CSNK2A2IP: variants seen among roughly 807,000 people sequenced by gnomAD.
CSNK2A2IP encodes casein kinase II subunit alpha'-interacting protein.
the CSNK2A2IP span, among the ~76,000 whole-genome samples, chr3:88,342,644 A>C: frequency 1.3e-5 from 2 of 151,940 alleles, no homozygotes; most frequent in Admixed American, 1.3e-4. Flanking sequence ...TTTGTCAAAA[A>C]GAAAGCAAGG....
At chr3:88,438,203 T>A in the CSNK2A2IP span, among the ~76,000 whole-genome samples, 1 of 152,242 alleles carries the variant, frequency 6.6e-6, no homozygotes, top group Admixed American at 6.5e-5. Flanking sequence ...TACTGGCTAC[T>A]GGATTACATA....
the CSNK2A2IP span, among the ~76,000 whole-genome samples, chr3:88,367,128 A>T: frequency 6.6e-6 from 1 of 152,072 alleles, no homozygotes; most frequent in Non-Finnish European, 1.5e-5. Context: ...GGGCATAATC[A>T]ATATTGTAAG....
chr3:88,430,203 G>C, the CSNK2A2IP span, among the ~76,000 whole-genome samples: 11 of 152,066 alleles, frequency 7.2e-5, no homozygotes, highest in African/African-American at 2.7e-4. Context: ...ATTCAGCACT[G>C]TACCTTCTAA....
At chr3:88,442,505 A>G in the CSNK2A2IP span, among the ~76,000 whole-genome samples, 4 of 152,182 alleles carry the variant, frequency 2.6e-5, no homozygotes, top group African/African-American at 9.7e-5. Flanking sequence ...TTGGTACTAT[A>G]TGAGACAGTG....
chr3:88,361,171 G>A, the CSNK2A2IP span, among the ~76,000 whole-genome samples: 99 of 152,210 alleles, frequency 6.5e-4, no homozygotes, highest in African/African-American at 2.2e-3. Flanking sequence ...AGAGTATTCT[G>A]TATTTGTCTG....
the CSNK2A2IP span, among the ~76,000 whole-genome samples, chr3:88,416,055 G>A: frequency 6.6e-6 from 1 of 152,038 alleles, no homozygotes; most frequent in African/African-American, 2.4e-5. Flanking sequence ...AGGATGACTT[G>A]AGGTCAGGAG....
At chr3:88,395,512 C>G in the CSNK2A2IP span, among the ~76,000 whole-genome samples, 1 of 152,212 alleles carries the variant, frequency 6.6e-6, no homozygotes, top group Non-Finnish European at 1.5e-5. Context: ...TCTCTCTTCT[C>G]AGCCAGTGTT....
the CSNK2A2IP span, among the ~76,000 whole-genome samples, chr3:88,428,035 G>T: frequency 6.6e-6 from 1 of 152,190 alleles, no homozygotes; most frequent in South Asian, 2.1e-4. Flanking sequence ...AAGGGGGGCT[G>T]TGGGTTGCAA....
the CSNK2A2IP span, among the ~76,000 whole-genome samples, chr3:88,410,083 A>G: frequency 1.3e-5 from 2 of 152,088 alleles, no homozygotes; most frequent in Non-Finnish European, 1.5e-5. Flanking sequence ...AGTCTTCAAT[A>G]GAAAGATTCC....
At chr3:88,404,475 A>G in the CSNK2A2IP span, among the ~76,000 whole-genome samples, 20 of 152,280 alleles carry the variant, frequency 1.3e-4, no homozygotes, top group African/African-American at 4.3e-4. Flanking sequence ...CCCAGGCCCA[A>G]TTGGAATAAG....
chr3:88,429,335 C>T, the CSNK2A2IP span, among the ~76,000 whole-genome samples: 1 of 152,108 alleles, frequency 6.6e-6, no homozygotes, highest in African/African-American at 2.4e-5. Context: ...ATGTTATTTA[C>T]TTTATTAGGC....
the CSNK2A2IP span, among the ~76,000 whole-genome samples, chr3:88,365,167 A>T: frequency 6.6e-6 from 1 of 152,222 alleles, no homozygotes; most frequent in Non-Finnish European, 1.5e-5. Context: ...ATCAAAATAT[A>T]CAAGACAGCT....
At chr3:88,388,593 T>G in the CSNK2A2IP span, among the ~76,000 whole-genome samples, 1 of 152,192 alleles carries the variant, frequency 6.6e-6, no homozygotes, top group African/African-American at 2.4e-5. Context: ...AGAATATAAA[T>G]GCATCCAAGT....
chr3:88,422,929 T>G, the CSNK2A2IP span, among the ~76,000 whole-genome samples: 1 of 152,226 alleles, frequency 6.6e-6, no homozygotes, highest in South Asian at 2.1e-4. Context: ...AGTTTTTTTG[T>G]AATTGAGATT....
At chr3:88,392,072 T>A in the CSNK2A2IP span, among the ~76,000 whole-genome samples, 196 of 152,210 alleles carry the variant, frequency 1.3e-3, 1 homozygote, top group Non-Finnish European at 2.3e-3. Context: ...GTTAGTTGGA[T>A]GTGAGAAGGA....
the CSNK2A2IP span, among the ~76,000 whole-genome samples, chr3:88,461,196 A>G: frequency 1.3e-5 from 2 of 152,186 alleles, no homozygotes; most frequent in Non-Finnish European, 2.9e-5. Context: ...ATTTATTTAC[A>G]TATTCTGCTA....
chr3:88,467,222 C>T, the CSNK2A2IP span: 1 of 401,058 alleles, frequency 2.5e-6, no homozygotes, highest in Non-Finnish European at 4.4e-6. Flanking sequence ...TCCTCCTCCA[C>T]CACCTCCTCC....
the CSNK2A2IP span, among the ~76,000 whole-genome samples, chr3:88,462,391 C>G: frequency 6.6e-6 from 1 of 152,068 alleles, no homozygotes. Flanking sequence ...GCATGAGAAA[C>G]CTCAGTGTTT....
the CSNK2A2IP span, among the ~76,000 whole-genome samples, chr3:88,426,615 T>C: frequency 6.6e-6 from 1 of 152,296 alleles, no homozygotes; most frequent in Non-Finnish European, 1.5e-5. Context: ...TACCCTTATG[T>C]TGATCTTGTG....
Sources: gnomAD v4.1 joint callset for allele counts (sites outside exome capture counted in the v4.1 genomes callset) on GRCh38, gnomAD v4.1.1 for gene constraint, MANE v1.5 for transcripts, NCBI Gene and HGNC (gene_info 2026-07-23, HGNC 2026-07-21) for gene names.